The following XKR9 variants were observed in gnomAD, a reference collection of about 807,000 sequenced individuals.
The protein encoded by XKR9 is XK related 9, also known as XK-related protein 9.
A neutral mutation model predicts 32.0 loss-of-function variants in XKR9; 32 were observed. The ratio of observed to expected loss-of-function variants is 1.00; its 90% confidence interval spans 0.76 to 1.34. XKR9 has a LOEUF of 1.34. XKR9 is among the 40% of genes most tolerant of loss of function. The probability of loss-of-function intolerance (pLI) is 0.00; values close to 1 mark genes in which losing one functional copy is unlikely to be tolerated. For synonymous variants in XKR9, 168 were observed against 143.4 expected (o/e 1.17, Z -1.22); for missense variants, 546 against 429.7 (o/e 1.27, Z -2.39).
the XKR9 span, among the ~76,000 whole-genome samples, chr8:70,920,133 G>T: frequency 6.6e-6 from 1 of 152,022 alleles, no homozygotes; most frequent in African/African-American, 2.4e-5. Context: ...ATCAATATAA[G>T]ATTATCTACA....
intron 4 of XKR9, among the ~76,000 whole-genome samples, chr8:70,725,973 C>T (rs1160145391): frequency 6.6e-6 from 1 of 152,082 alleles, no homozygotes; most frequent in African/African-American, 2.4e-5. Flanking sequence ...ATGAAAAAAA[C>T]TACAAATGGA....
the XKR9 span, among the ~76,000 whole-genome samples, chr8:70,850,072 C>T: frequency 6.6e-6 from 1 of 152,086 alleles, no homozygotes; most frequent in East Asian, 1.9e-4. Context: ...CCTTCTGAAA[C>T]TATTCCAAGC....
chr8:70,810,863 C>G, the XKR9 span, among the ~76,000 whole-genome samples: 10 of 152,140 alleles, frequency 6.6e-5, no homozygotes, highest in East Asian at 1.9e-4. Context: ...ACCCCACTGT[C>G]AACATTAGAC....
intron 2 of XKR9, among the ~76,000 whole-genome samples, chr8:70,749,143 C>T (rs1042367759): frequency 2.6e-5 from 4 of 152,240 alleles, no homozygotes; most frequent in African/African-American, 9.6e-5. Context: ...GAGAGTTGTT[C>T]TGTCACTCAG....
chr8:70,794,850 G>GTGTGTGTGTGTGT (rs1807809054), downstream of XKR9, among the ~76,000 whole-genome samples: 1 of 81,944 alleles, frequency 1.2e-5, no homozygotes, highest in African/African-American at 4.8e-5. Context: ...TGTGTGTGTG[G>GTGTGTGTGTGTGT]TATATTTGTC....
In XKR9 at chr8:70,680,905, A is replaced by G; in HGVS notation, c.-154A>G. The G allele has an allele frequency of 1.5e-6, 1 of 672,034 alleles. No homozygotes were observed. Among genetic ancestry groups the G allele is most frequent in the Non-Finnish European group, 2.3e-6 (1 of 425,900 alleles). 41.6% of individuals were successfully genotyped at this position (672,034 alleles called of 1,614,324 possible). On this transcript the variant is annotated 5_prime_UTR_variant, in exon 3 of 5. Coordinates refer to ENST00000408926, the MANE Select transcript of XKR9 (RefSeq NM_001011720.2). ...TAGTCACTTTAGTGTTAGTGTTCCC[A>G]TTTCATAATATTTATTCTTTCTTCT...
At chr8:70,824,534 T>C in the XKR9 span, among the ~76,000 whole-genome samples, 1 of 152,086 alleles carries the variant, frequency 6.6e-6, no homozygotes, top group Admixed American at 6.6e-5. Flanking sequence ...AACAGGTCAA[T>C]GTAAAAGACT....
At chr8:70,812,445 A>T in the XKR9 span, among the ~76,000 whole-genome samples, 1 of 152,322 alleles carries the variant, frequency 6.6e-6, no homozygotes, top group African/African-American at 2.4e-5. Context: ...TGGCCAGGGC[A>T]ATTAGGCAGG....
chr8:70,998,641 G>T, the XKR9 span, among the ~76,000 whole-genome samples: 4 of 152,330 alleles, frequency 2.6e-5, no homozygotes, highest in South Asian at 8.3e-4. Flanking sequence ...TTGTGAACAA[G>T]AATTTGCTGG....
At chr8:70,921,663 G>T in the XKR9 span, among the ~76,000 whole-genome samples, 1 of 152,100 alleles carries the variant, frequency 6.6e-6, no homozygotes, top group Non-Finnish European at 1.5e-5. Context: ...AAATGTGATG[G>T]GCTGTGTAAT....
chr8:70,925,601 G>A, the XKR9 span, among the ~76,000 whole-genome samples: 32 of 152,256 alleles, frequency 2.1e-4, no homozygotes, highest in African/African-American at 7.5e-4. Context: ...GGCATAATAG[G>A]AGAAATGTCA....
At chr8:70,894,325 G>A in the XKR9 span, among the ~76,000 whole-genome samples, 1 of 151,988 alleles carries the variant, frequency 6.6e-6, no homozygotes, top group African/African-American at 2.4e-5. Context: ...ACATGCTAAT[G>A]GCTCCACTTC....
At chr8:71,018,941 G>A in the XKR9 span, among the ~76,000 whole-genome samples, 8 of 152,238 alleles carry the variant, frequency 5.3e-5, no homozygotes, top group East Asian at 1.5e-3. Flanking sequence ...AAAATTACAT[G>A]GCCCTATTGG....
chr8:70,741,733 C>T (rs955797455), intron 2 of XKR9, among the ~76,000 whole-genome samples: 2 of 152,162 alleles, frequency 1.3e-5, no homozygotes, highest in African/African-American at 2.4e-5. Context: ...ACAAATACTT[C>T]TTTGAGATTC....
chr8:70,962,552 A>G, the XKR9 span, among the ~76,000 whole-genome samples: 1 of 152,234 alleles, frequency 6.6e-6, no homozygotes, highest in East Asian at 1.9e-4. Flanking sequence ...ATTCTTTTCT[A>G]TGGGTGTAGC....
chr8:71,018,035 T>C, the XKR9 span, among the ~76,000 whole-genome samples: 1 of 152,222 alleles, frequency 6.6e-6, no homozygotes, highest in Non-Finnish European at 1.5e-5. Flanking sequence ...GTAATAGGTT[T>C]TTTTCCTCTG....
chr8:70,749,333 G>A (rs536663804), intron 2 of XKR9, among the ~76,000 whole-genome samples: 73 of 152,332 alleles, frequency 4.8e-4, no homozygotes, highest in Non-Finnish European at 8.4e-4. Flanking sequence ...GAAGAGCTGC[G>A]GCCCTTCTGG....
At chr8:70,866,071 C>T in the XKR9 span, among the ~76,000 whole-genome samples, 1 of 152,332 alleles carries the variant, frequency 6.6e-6, no homozygotes, top group Admixed American at 6.5e-5. Context: ...CTGAAGCCCC[C>T]TTCATAATAA....
At chr8:70,931,487 G>C in the XKR9 span, among the ~76,000 whole-genome samples, 1 of 152,164 alleles carries the variant, frequency 6.6e-6, no homozygotes, top group African/African-American at 2.4e-5. Flanking sequence ...AGTAACTAAT[G>C]GTCCTTAAGG....
Sources: allele counts gnomAD v4.1 joint callset (sites outside exome capture counted in the v4.1 genomes callset), GRCh38; gene constraint gnomAD v4.1.1; transcripts MANE v1.5; gene names NCBI Gene and HGNC (gene_info 2026-07-23, HGNC 2026-07-21).